Variants in TNR observed in about 807,000 individuals in gnomAD.
The protein encoded by TNR is tenascin R.
Under a neutral mutation model 150.4 loss-of-function variants are expected in TNR, and 45 were observed. The observed-to-expected ratio is 0.30, with a 90% confidence interval of 0.24 to 0.38. The LOEUF is 0.38. TNR is among the 10% of genes least tolerant of loss of function. TNR has a pLI of 1.00. For synonymous variants in TNR, 687 were observed against 678.4 expected (o/e 1.01, Z -0.20); for missense variants, 1,544 against 1,759.1 (o/e 0.88, Z 2.19).
chr1:175,421,002 T>G (rs1486610387), intron 2 of TNR, among the ~76,000 whole-genome samples: 1 of 152,234 alleles, frequency 6.6e-6, no homozygotes, highest in Non-Finnish European at 1.5e-5. Context: ...CTGAATTTTT[T>G]TTTAAAGTTT....
intron 1 of TNR, among the ~76,000 whole-genome samples, chr1:175,641,286 G>T (rs60085168): frequency 0.021 from 3,260 of 152,120 alleles, 101 homozygotes; most frequent in African/African-American, 0.072. Context: ...GGGACGGAGG[G>T]CAGGGTTGGA....
At chr1:175,725,148 T>C (rs954770283) in intron 1 of TNR, among the ~76,000 whole-genome samples, 1 of 152,074 alleles carries the variant, frequency 6.6e-6, no homozygotes, top group Non-Finnish European at 1.5e-5. Flanking sequence ...AGAGAACAGA[T>C]TGGAAAAAAG....
At chr1:175,625,732 G>A (rs957351505) in intron 1 of TNR, among the ~76,000 whole-genome samples, 7 of 152,238 alleles carry the variant, frequency 4.6e-5, no homozygotes, top group Admixed American at 1.3e-4. Flanking sequence ...CAGAGCAGAC[G>A]GGACTGAGAC....
At chr1:175,388,463 G>A (rs558129841) in intron 7 of TNR, among the ~76,000 whole-genome samples, 1 of 152,334 alleles carries the variant, frequency 6.6e-6, no homozygotes, top group Admixed American at 6.5e-5. Context: ...CTGAGTGCCT[G>A]ATGAGGACAC....
Position 175,331,079 on chromosome 1 carries a change from T to TTC in TNR, c.3632-846_3632-845dup, listed in dbSNP as rs368983500. On this transcript the variant is annotated intron_variant, in intron 20 of 22. Transcript: ENST00000367674. Reference sequence around the variant, plus strand: ...TTTCTTTCTTTCTTTCTTTCTTTCCTTCTTTCTTTCTTTCTTTCTTTCTCT... The same window carrying TTC: ...TTTCTTTCTTTCTTTCTTTCTTTCCTTCTCTTTCTTTCTTTCTTTCTTTCTCT... 7.8e-3 allele frequency among the ~76,000 whole-genome samples: 604 copies of TTC among 77,154 alleles called. 47 individuals carry two copies. Among genetic ancestry groups the TTC allele is most frequent in the African/African-American group, 0.011 (252 of 22,196 alleles). The allele number at this position is 77,154 out of a possible 152,430, so 50.6% of individuals were successfully genotyped here.
chr1:175,657,641 A>G lies in TNR; in HGVS notation c.-165+85585T>C, dbSNP rs1215118061. 2.0e-5 allele frequency among the ~76,000 whole-genome samples: 3 copies of G among 151,190 alleles called. No homozygotes were observed. In the East Asian group the frequency reaches 5.8e-4, roughly 29 times the overall value. ...TGTAGGGACATGGATGAAGCTGGAA[A>G]CCATCATTCTCAGCAAACTATCACA... On this transcript the variant is annotated intron_variant, in intron 1 of 22. Transcript: ENST00000367674.
rs1411966171 is a variant in TNR, at chr1:175,354,501, T to C, written c.3272A>G (p.Asp1091Gly). The C allele has an allele frequency of 6.2e-7, 1 of 1,614,082 alleles. No homozygotes were observed. Residue 1091 changes from aspartate (D) to glycine (G), a missense_variant, in exon 18 of 23, where the codon GAC becomes GGC. Asp to Gly is a moderately conservative substitution (Grantham distance 94, BLOSUM62 -1). Around this residue, in one of 2 missense-constraint regions of TNR, gnomAD observed 290 missense variants for 429.7 expected, o/e 0.67. Transcript: ENST00000367674. Reference protein sequence around the residue: ...SRKELIVDAEDTWIRLEGLLE... With the variant: ...SRKELIVDAEGTWIRLEGLLE... ...CAGGCCCTCCAGTCGAATCCAGGTG[T>C]CTTCTGCATCCACAATCAGCTCCTG...
chr1:175,635,769 G>T (rs1664473747), intron 1 of TNR, among the ~76,000 whole-genome samples: 1 of 152,064 alleles, frequency 6.6e-6, no homozygotes, highest in Admixed American at 6.6e-5. Flanking sequence ...ATTCATCTTG[G>T]ACTATTACAG....
In TNR at chr1:175,661,548, T is replaced by G. The variant is rs1665373363; in HGVS notation, c.-165+81678A>C. 2.6e-5 allele frequency among the ~76,000 whole-genome samples: 4 copies of G among 152,222 alleles called. No individual in the cohort carries two copies. The South Asian group carries it at 8.3e-4, about 32-fold the overall frequency. ...CTCTTCATCCTGCCTCACGTTGTAC[T>G]GCTCCACCCAAGAAGAGGCCTCCCG... On this transcript the variant is annotated intron_variant, in intron 1 of 22. Transcript: ENST00000367674.
At chr1:175,464,925 G>C (rs1361214000) in intron 2 of TNR, among the ~76,000 whole-genome samples, 1 of 152,068 alleles carries the variant, frequency 6.6e-6, no homozygotes, top group African/African-American at 2.4e-5. Flanking sequence ...TCTTGGAGGG[G>C]AGAGAGAGAG....
chr1:175,379,497 T>A (rs1250833515), intron 9 of TNR, 55 bp downstream of exon 9: 1 of 1,519,030 alleles, frequency 6.6e-7, no homozygotes, highest in East Asian at 2.3e-5. Context: ...GGGAGACAGC[T>A]GTGAGGGTAT....
chr1:175,676,714 G>C (rs1165648360), intron 1 of TNR, among the ~76,000 whole-genome samples: 1 of 152,180 alleles, frequency 6.6e-6, no homozygotes, highest in Non-Finnish European at 1.5e-5. Context: ...ACTCCTAGTC[G>C]ATAATTATTC....
At chr1:175,541,027 C>T (rs1660481387) in intron 1 of TNR, among the ~76,000 whole-genome samples, 1 of 152,118 alleles carries the variant, frequency 6.6e-6, no homozygotes, top group Non-Finnish European at 1.5e-5. Flanking sequence ...TCCCTATCCC[C>T]AGGCTTGCTC....
At chr1:175,682,508 CT>C (rs1225581501) in intron 1 of TNR, among the ~76,000 whole-genome samples, 1 of 152,152 alleles carries the variant, frequency 6.6e-6, no homozygotes, top group African/African-American at 2.4e-5. Context: ...TCACATTCTA[CT>C]TTATATTCAG....
At chr1:175,380,725 A>G (rs904715466) in intron 8 of TNR, among the ~76,000 whole-genome samples, 9 of 152,258 alleles carry the variant, frequency 5.9e-5, no homozygotes, top group Admixed American at 5.9e-4. Flanking sequence ...AGGACTGGCT[A>G]TCTCCTCAAG....
chr1:175,656,671 G>C (rs920748667), intron 1 of TNR: 6 of 152,450 alleles, frequency 3.9e-5, no homozygotes, highest in African/African-American at 1.4e-4. Flanking sequence ...CAGCTCATCA[G>C]AGCAGAGCTG....
intron 1 of TNR, among the ~76,000 whole-genome samples, chr1:175,733,289 C>A (rs1482020136): frequency 6.6e-6 from 1 of 152,194 alleles, no homozygotes. Flanking sequence ...CAGAGGCCCA[C>A]AGGACCCCCC....
chr1:175,589,768 G>A (rs1274952673), intron 1 of TNR, among the ~76,000 whole-genome samples: 1 of 151,976 alleles, frequency 6.6e-6, no homozygotes, highest in African/African-American at 2.4e-5. Flanking sequence ...AACACCGCAT[G>A]TTCTCACTCA....
intron 22 of TNR, 136 bp from the exon 23 acceptor site, chr1:175,323,612 C>T (rs1408944238): frequency 4.8e-6 from 6 of 1,254,850 alleles, no homozygotes; most frequent in Admixed American, 2.4e-5. Context: ...GCTTCAAGGC[C>T]GAGTTCCCAA....
Sources: gnomAD v4.1 joint callset for allele counts (sites outside exome capture counted in the v4.1 genomes callset) on GRCh38, gnomAD v4.1.1 for gene constraint, gnomAD v4.1.1 regional missense constraint, MANE v1.5 for transcripts, NCBI Gene and HGNC (gene_info 2026-07-23, HGNC 2026-07-21) for gene names.